RFFL: variants seen among roughly 807,000 people sequenced by gnomAD.
RFFL encodes the protein E3 ubiquitin-protein ligase rififylin.
A neutral mutation model predicts 40.4 loss-of-function variants in RFFL; 16 were observed. That is an observed-to-expected ratio of 0.40 (90% CI 0.27 to 0.60). The LOEUF (loss-of-function observed/expected upper bound fraction) is 0.60, where lower values mean the gene tolerates loss of function less well. Ranked by LOEUF, RFFL falls within the 20% of genes least tolerant of loss-of-function variation. The pLI, the probability that RFFL is intolerant of heterozygous loss-of-function variation, is 0.47. For synonymous variants in RFFL, 154 were observed against 167.9 expected (o/e 0.92, Z 0.64); for missense variants, 367 against 451.7 (o/e 0.81, Z 1.70).
At chr17:35,051,379 C>T (rs2091230783) in intron 1 of RFFL, among the ~76,000 whole-genome samples, 2 of 152,200 alleles carry the variant, frequency 1.3e-5, no homozygotes, top group East Asian at 1.9e-4. Context: ...TTGCACTTGA[C>T]TTCCTGTTTT....
chr17:35,077,512 G>GCCAATA (rs2142383532), intron 1 of RFFL, among the ~76,000 whole-genome samples: 2 of 152,302 alleles, frequency 1.3e-5, no homozygotes, highest in African/African-American at 4.8e-5. Context: ...GCTGGCAACA[G>GCCAATA]ATTAGGGGTG....
At chr17:35,080,414 T>G (rs1431673754) in intron 1 of RFFL, among the ~76,000 whole-genome samples, 4 of 152,132 alleles carry the variant, frequency 2.6e-5, no homozygotes, top group Non-Finnish European at 1.5e-5. Context: ...TTGTATATTT[T>G]AGGATAAAAT....
At chr17:35,019,407 T>A (rs2090994308) in intron 3 of RFFL, among the ~76,000 whole-genome samples, 1 of 152,150 alleles carries the variant, frequency 6.6e-6, no homozygotes, top group Non-Finnish European at 1.5e-5. Context: ...TGAGACAGGA[T>A]CTCACTCTGT....
At chr17:35,015,837 C>G (rs754509111) in intron 5 of RFFL, among the ~76,000 whole-genome samples, 19 of 152,310 alleles carry the variant, frequency 1.2e-4, no homozygotes, top group Admixed American at 3.3e-4. Context: ...TTTCCCTAAA[C>G]TCATTTAACC....
intron 1 of RFFL, among the ~76,000 whole-genome samples, chr17:35,044,626 G>C (rs2091186785): frequency 6.6e-6 from 1 of 152,094 alleles, no homozygotes. Context: ...AAAAAATAAA[G>C]TAAGTGTTGT....
chr17:35,021,181 T>A (rs954265324), intron 3 of RFFL, among the ~76,000 whole-genome samples, 190 bp downstream of exon 3: 1 of 152,162 alleles, frequency 6.6e-6, no homozygotes, highest in Non-Finnish European at 1.5e-5. Flanking sequence ...ACTGTGCATA[T>A]CACCTCTGAA....
At chr17:35,053,614 G>T (rs996382316) in intron 1 of RFFL, among the ~76,000 whole-genome samples, 1 of 152,182 alleles carries the variant, frequency 6.6e-6, no homozygotes, top group Non-Finnish European at 1.5e-5. Context: ...TTCCTCATTT[G>T]TAAATTGAAG....
intron 1 of RFFL, among the ~76,000 whole-genome samples, chr17:35,059,003 A>C (rs35960618): frequency 6.6e-6 from 1 of 150,658 alleles, no homozygotes; most frequent in Non-Finnish European, 1.5e-5. Flanking sequence ...CATGTAAAAG[A>C]AGCTCGAGCT....
chr17:35,012,722 G>A (rs144389376), intron 6 of RFFL, among the ~76,000 whole-genome samples: 1 of 152,278 alleles, frequency 6.6e-6, no homozygotes, highest in African/African-American at 2.4e-5. Flanking sequence ...CTTCCTGGTG[G>A]AGAAACTTGG....
At chr17:35,062,692 T>G (rs1462032298) in intron 1 of RFFL, among the ~76,000 whole-genome samples, 1 of 152,160 alleles carries the variant, frequency 6.6e-6, no homozygotes, top group African/African-American at 2.4e-5. Context: ...CGCTTACATA[T>G]GCTAAGGTCT....
At chr17:35,020,527 A>T in intron 3 of RFFL, among the ~76,000 whole-genome samples, 1 of 151,570 alleles carries the variant, frequency 6.6e-6, no homozygotes, top group East Asian at 1.9e-4. Context: ...AACGCACCCC[A>T]GTCTGTGGAA....
At chr17:35,034,551 CAG>C (rs1351833112) in intron 1 of RFFL, among the ~76,000 whole-genome samples, 2 of 149,100 alleles carry the variant, frequency 1.3e-5, no homozygotes, top group Non-Finnish European at 3.0e-5. Context: ...TTCCTTGAGA[CAG>C]AGTCTCACTC....
In RFFL at chr17:35,016,446, C is replaced by T; in HGVS notation, c.810G>A (p.Lys270=). The change falls in exon 5 of 7, where the codon AAG becomes AAA. Residue 270 remains lysine, a synonymous_variant. Transcript: ENST00000394597. ...TCAGCTCCCACTTCTCACAGCAGCC[C>T]TTGTAGTTGACAAAGTTGCGAGCCA... ...EILARNFVNY[K]GCCEKWELME... is the part of the protein sequence containing the mutation. The T allele has an allele frequency of 6.2e-7, 1 of 1,614,192 alleles. No individual in the cohort carries two copies. Among genetic ancestry groups the T allele is most frequent in the South Asian group, 1.1e-5 (1 of 91,084 alleles).
intron 1 of RFFL, among the ~76,000 whole-genome samples, chr17:35,086,670 C>A (rs144883153): frequency 6.6e-6 from 1 of 152,088 alleles, no homozygotes; most frequent in Non-Finnish European, 1.5e-5. Flanking sequence ...TTAAACTATG[C>A]GTTCTCATTA....
chr17:35,083,375 G>A (rs1313593813), intron 1 of RFFL, among the ~76,000 whole-genome samples: 1 of 152,152 alleles, frequency 6.6e-6, no homozygotes, highest in Non-Finnish European at 1.5e-5. Context: ...TCATGACTAG[G>A]AAATGGGCTA....
Position 35,009,901 on chromosome 17 carries a change from A to G in RFFL, c.*2067T>C, listed in dbSNP as rs1406373290. 1 of 152,636 alleles carries G rather than the reference A, an allele frequency of 6.6e-6. No individual in the cohort carries two copies. Among genetic ancestry groups the G allele is most frequent in the Non-Finnish European group, 1.5e-5 (1 of 68,040 alleles). The allele number at this position is 152,636 out of a possible 1,614,324, so 9.5% of individuals were successfully genotyped here. On this transcript the variant is annotated 3_prime_UTR_variant, in exon 7 of 7. Transcript: ENST00000394597. Reference sequence around the variant, plus strand: ...GAGGAACTGAGTAGCTGAATGAATGATCCTTTGCTAATTGGTAGGCATTGT... The same window carrying G: ...GAGGAACTGAGTAGCTGAATGAATGGTCCTTTGCTAATTGGTAGGCATTGT...
At chr17:35,035,107 G>T (rs2091111812) in intron 1 of RFFL, among the ~76,000 whole-genome samples, 1 of 152,052 alleles carries the variant, frequency 6.6e-6, no homozygotes, top group Non-Finnish European at 1.5e-5. Context: ...AAGTCATCTG[G>T]CTACTTTTAA....
Position 35,028,165 on chromosome 17 carries a change from T to C in RFFL, c.-8-1604A>G, listed in dbSNP as rs1019860410. Among the ~76,000 whole-genome samples the C allele has an allele frequency of 2.0e-4, 30 of 151,514 alleles. 1 individual carries two copies. The highest frequency in any genetic ancestry group is 7.3e-4 in the African/African-American group (30 of 41,056). ...GTCTGGCCAACATGGCAAAATCCCA[T>C]CTCTACAAAAAAATACAAAAATCAG... On this transcript the variant is annotated intron_variant, in intron 1 of 6. Coordinates refer to ENST00000394597, the MANE Select transcript of RFFL (RefSeq NM_001017368.2).
chr17:35,037,210 T>A (rs2091128898), intron 1 of RFFL, among the ~76,000 whole-genome samples: 1 of 152,204 alleles, frequency 6.6e-6, no homozygotes, highest in Admixed American at 6.5e-5. Flanking sequence ...AGAAAAGGGC[T>A]GGAAAGCAAG....
Sources: allele counts gnomAD v4.1 joint callset (sites outside exome capture counted in the v4.1 genomes callset), GRCh38; gene constraint gnomAD v4.1.1; transcripts MANE v1.5; gene names NCBI Gene and HGNC (gene_info 2026-07-23, HGNC 2026-07-21).